The following MCPH1 variants were observed in gnomAD, a reference collection of about 807,000 sequenced individuals.
MCPH1 encodes microcephalin.
A neutral mutation model predicts 84.5 loss-of-function variants in MCPH1; 104 were observed. The ratio of observed to expected loss-of-function variants is 1.23; its 90% CI spans 1.05 to 1.45. MCPH1 has a LOEUF of 1.45. Ranked by LOEUF, MCPH1 falls within the 40% of genes most tolerant of loss-of-function variation. The pLI, the probability that MCPH1 is intolerant of heterozygous loss-of-function variation, is 0.00. For synonymous variants in MCPH1, 514 were observed against 366.8 expected (o/e 1.40, Z -4.58); for missense variants, 1,498 against 1,005.7 (o/e 1.49, Z -6.62).
At chr8:6,639,904 T>C (rs1797815642) in intron 13 of MCPH1, among the ~76,000 whole-genome samples, 1 of 152,094 alleles carries the variant, frequency 6.6e-6, no homozygotes, top group African/African-American at 2.4e-5. Flanking sequence ...TTTGCTATTG[T>C]ATTTACTTAT....
chr8:6,525,444 A>G (rs538692566), intron 12 of MCPH1, among the ~76,000 whole-genome samples: 2 of 152,160 alleles, frequency 1.3e-5, no homozygotes, highest in South Asian at 4.1e-4. Flanking sequence ...TGCCCTGGCT[A>G]GTCTCAAACT....
At chr8:6,530,999 C>T in intron 12 of MCPH1, among the ~76,000 whole-genome samples, 1 of 151,852 alleles carries the variant, frequency 6.6e-6, no homozygotes, top group East Asian at 1.9e-4. Context: ...TAAATCTGCT[C>T]TTTTTTTAAA....
chr8:6,455,029 T>G, intron 8 of MCPH1, 114 bp from the exon 9 acceptor site: 1 of 796,726 alleles, frequency 1.3e-6, no homozygotes, highest in South Asian at 1.4e-5. Context: ...ACAATTTATT[T>G]AAAAGGCCTA....
At chr8:6,588,239 C>G (rs117432639) in intron 12 of MCPH1, among the ~76,000 whole-genome samples, 352 of 152,264 alleles carry the variant, frequency 2.3e-3, no homozygotes, top group Non-Finnish European at 3.3e-3. Context: ...AGCAGCTGCT[C>G]TCAGTGGGGC....
At position 6,442,047 on chromosome 8, in the gene MCPH1, T is replaced by G; in HGVS notation, c.581-20T>G. 1 of 1,561,980 alleles carries G rather than the reference T, an allele frequency of 6.4e-7. No homozygotes were observed. The highest frequency in any genetic ancestry group is 8.8e-7 in the Non-Finnish European group (1 of 1,132,848). ...AATACTGAAACTTTATCTAATGCAGTGTCTTGGTCCTGTTTTTAGCTTCCC... is the reference window on the plus strand; with the variant it reads ...AATACTGAAACTTTATCTAATGCAGGGTCTTGGTCCTGTTTTTAGCTTCCC... On this transcript the variant is annotated intron_variant, in intron 6 of 13. Transcript: ENST00000344683.
chr8:6,543,120 A>ACTTTCTGCTTCTTTATCTCCT (rs1821910377), intron 12 of MCPH1, among the ~76,000 whole-genome samples: 1 of 151,618 alleles, frequency 6.6e-6, no homozygotes, highest in African/African-American at 2.4e-5. Flanking sequence ...CCCAGCCAAG[A>ACTTTCTGCTTCTTTATCTCCT]CTTTCTGCTT....
rs28395301 is a variant in MCPH1, at chr8:6,626,604, A to G, written c.2452+4913A>G. On this transcript the variant is annotated intron_variant, in intron 13 of 13. Coordinates refer to ENST00000344683, the MANE Select transcript of MCPH1 (RefSeq NM_024596.5). ...AAAATGTTACCTTTACCTGATATTG[A>G]TAATACATATTATATTTGAAAGCAT... 2.7e-3 allele frequency: 2,646 copies of G among 984,078 alleles called. 62 individuals are homozygous for G. In the African/African-American group the frequency reaches 0.042, roughly 16 times the overall value. The allele number at this position is 984,078 out of a possible 1,614,324, so 61.0% of individuals were successfully genotyped here. A position where few individuals can be genotyped will look rare whatever the true frequency, so the allele number is the denominator to read the frequency against.
chr8:6,631,097 G>A (rs140997359), intron 13 of MCPH1, among the ~76,000 whole-genome samples: 1 of 152,332 alleles, frequency 6.6e-6, no homozygotes, highest in African/African-American at 2.4e-5. Context: ...CCATCTTCAA[G>A]CCCGCAGGAA....
At chr8:6,505,762 AG>A (rs1813510860) in intron 12 of MCPH1, among the ~76,000 whole-genome samples, 1 of 133,806 alleles carries the variant, frequency 7.5e-6, no homozygotes, top group Admixed American at 7.9e-5. Flanking sequence ...ACGTATATAT[AG>A]AATATATATA....
At chr8:6,615,823 G>A (rs1185447063) in intron 12 of MCPH1, 2 of 152,204 alleles carry the variant, frequency 1.3e-5, no homozygotes, top group Non-Finnish European at 2.9e-5. Flanking sequence ...ATTTAAAAGA[G>A]ACAGTGGGCA....
At position 6,527,544 on chromosome 8, in the gene MCPH1, A is replaced by G. The variant is rs774752477; in HGVS notation, c.2214+27615A>G. 6.8e-6 allele frequency: 11 copies of G among 1,611,630 alleles called. No individual in the cohort carries two copies. In the South Asian group the frequency reaches 1.1e-4, roughly 16 times the overall value. On this transcript the variant is annotated intron_variant, in intron 12 of 13. Transcript: ENST00000344683. The stretch of plus-strand genomic sequence containing the variant: ...AGTCCTGAATTATAAATGTTTTAGT[A>G]CTGTTATTACCTGTTCTTATCTTGC...
At chr8:6,501,217 G>C (rs1457303073) in intron 12 of MCPH1, 1 of 152,138 alleles carries the variant, frequency 6.6e-6, no homozygotes, top group Non-Finnish European at 1.5e-5. Context: ...CAAATATGTA[G>C]CAACACCTGT....
chr8:6,581,755 T>G (rs1827583772), intron 12 of MCPH1, among the ~76,000 whole-genome samples: 1 of 152,166 alleles, frequency 6.6e-6, no homozygotes, highest in Non-Finnish European at 1.5e-5. Context: ...TCAAACTGGG[T>G]GTCTTATAAA....
chr8:6,487,076 C>T (rs1456288739), intron 11 of MCPH1, among the ~76,000 whole-genome samples: 7 of 152,168 alleles, frequency 4.6e-5, no homozygotes, highest in Admixed American at 3.9e-4. Flanking sequence ...AGCCTGTATT[C>T]AGATTTTAAT....
chr8:6,602,262 G>T (rs150833443), intron 12 of MCPH1, among the ~76,000 whole-genome samples: 1 of 152,162 alleles, frequency 6.6e-6, no homozygotes, highest in African/African-American at 2.4e-5. Flanking sequence ...AGAGCAGGGC[G>T]GTGCACACTT....
chr8:6,510,377 T>C (rs1814799685), intron 12 of MCPH1, among the ~76,000 whole-genome samples: 1 of 152,190 alleles, frequency 6.6e-6, no homozygotes, highest in South Asian at 2.1e-4. Context: ...AGAAGTGTAC[T>C]TGAAGCACCA....
intron 11 of MCPH1, among the ~76,000 whole-genome samples, chr8:6,481,346 C>G (rs1809216072): frequency 1.3e-5 from 2 of 152,158 alleles, no homozygotes; most frequent in Admixed American, 6.5e-5. Flanking sequence ...CTATGTATAT[C>G]TATCTGTAAC....
At chr8:6,563,551 C>T (rs1009887663) in intron 12 of MCPH1, 1 of 152,222 alleles carries the variant, frequency 6.6e-6, no homozygotes, top group Non-Finnish European at 1.5e-5. Context: ...CCGTGCTAAG[C>T]TGGCAAAATA....
At chr8:6,613,637 G>A (rs922241270) in intron 12 of MCPH1, among the ~76,000 whole-genome samples, 1 of 152,052 alleles carries the variant, frequency 6.6e-6, no homozygotes, top group Non-Finnish European at 1.5e-5. Context: ...GGGTGAGGGG[G>A]TTGGAAGGGG....
Sources: gnomAD v4.1 joint callset for allele counts (sites outside exome capture counted in the v4.1 genomes callset) on GRCh38, gnomAD v4.1.1 for gene constraint, MANE v1.5 for transcripts, NCBI Gene and HGNC (gene_info 2026-07-23, HGNC 2026-07-21) for gene names.